The following IMPA1 variants were observed in gnomAD, a reference collection of about 807,000 sequenced individuals.
The protein encoded by IMPA1 is D-galactose 1-phosphate phosphatase.
Under a neutral mutation model 34.9 loss-of-function variants are expected in IMPA1, and 21 were observed. That is an observed-to-expected ratio of 0.60 (90% CI 0.43 to 0.87). The LOEUF (loss-of-function observed/expected upper bound fraction) is 0.87. Ranked by LOEUF, IMPA1 falls within the 40% of genes least tolerant of loss-of-function variation. IMPA1 has a pLI of 0.00. For missense variants in IMPA1, 299 were observed against 336.4 expected, an observed-to-expected ratio of 0.89 and a Z score of 0.87; for synonymous variants, 95 against 104.4, an observed-to-expected ratio of 0.91 and a Z score of 0.55.
At chr8:81,683,315 A>G (rs1387257818) in intron 1 of IMPA1, among the ~76,000 whole-genome samples, 1 of 152,190 alleles carries the variant, frequency 6.6e-6, no homozygotes, top group Non-Finnish European at 1.5e-5. Flanking sequence ...GAAGGGTAGA[A>G]AGTGGGTGTT....
intron 7 of IMPA1, among the ~76,000 whole-genome samples, chr8:81,665,115 G>C (rs1212514794): frequency 6.6e-6 from 1 of 151,846 alleles, no homozygotes; most frequent in Non-Finnish European, 1.5e-5. Context: ...GCAAAACATC[G>C]AACGCTGTTA....
chr8:81,679,058 ATAGAGTATC>A, intron 4 of IMPA1, 59 bp downstream of exon 4: 1 of 964,362 alleles, frequency 1.0e-6, no homozygotes, highest in Admixed American at 1.9e-5. Context: ...ATGTTCCTAA[ATAGAGTATC>A]TATAGGTCAA....
intron 1 of IMPA1, chr8:81,685,969 C>A: frequency 6.7e-7 from 1 of 1,489,936 alleles, no homozygotes; most frequent in Non-Finnish European, 9.0e-7. Context: ...AGGAGCTTTT[C>A]GGAGTTGGGG....
chr8:81,663,569 A>G (rs1354392607), intron 7 of IMPA1, among the ~76,000 whole-genome samples: 1 of 152,226 alleles, frequency 6.6e-6, no homozygotes, highest in Non-Finnish European at 1.5e-5. Context: ...AGGCTGGATT[A>G]TTAGATGATC....
rs1807125874 is a variant in IMPA1, at chr8:81,676,227, AT to A, written c.348+6del. On this transcript the variant is annotated splice_donor_region_variant and intron_variant, in intron 5 of 8. Coordinates refer to ENST00000256108, the MANE Select transcript of IMPA1 (RefSeq NM_005536.4). ...ATATAATCAACTATACGTTTAAAAAATCATACCTTTTTATTTACAGCAAAGC... is the reference window on the plus strand; with the variant it reads ...ATATAATCAACTATACGTTTAAAAAACATACCTTTTTATTTACAGCAAAGC... 9 of 1,308,088 alleles carry A rather than the reference AT, an allele frequency of 6.9e-6. No individual in the cohort carries two copies. The highest frequency in any genetic ancestry group is 8.4e-6 in the Non-Finnish European group (8 of 947,934). The allele number at this position is 1,308,088 out of a possible 1,614,324, so 81.0% of individuals were successfully genotyped here.
At chr8:81,680,202 T>C (rs1807256328) in intron 3 of IMPA1, among the ~76,000 whole-genome samples, 2 of 152,002 alleles carry the variant, frequency 1.3e-5, no homozygotes, top group Admixed American at 6.6e-5. Flanking sequence ...TAATATTCCT[T>C]CCTTGAGCGT....
chr8:81,685,253 ACATAAG>A (rs1159078861), intron 1 of IMPA1, among the ~76,000 whole-genome samples: 5 of 78,162 alleles, frequency 6.4e-5, no homozygotes, highest in African/African-American at 1.9e-4. Context: ...TATATACTAT[ACATAAG>A]TATAGATACT....
intron 1 of IMPA1, among the ~76,000 whole-genome samples, chr8:81,682,480 A>C (rs1380677965): frequency 2.0e-5 from 3 of 152,166 alleles, no homozygotes; most frequent in Non-Finnish European, 4.4e-5. Flanking sequence ...AGAGGACAGG[A>C]GTGGAAAGGA....
intron 8 of IMPA1, 132 bp from the exon 9 acceptor site, chr8:81,659,598 T>C (rs999004008): frequency 1.6e-6 from 1 of 614,894 alleles, no homozygotes; most frequent in Non-Finnish European, 2.9e-6. Context: ...AAATCTACTG[T>C]TACATTTCTA....
At chr8:81,682,478 G>A (rs1464265417) in intron 1 of IMPA1, among the ~76,000 whole-genome samples, 1 of 152,160 alleles carries the variant, frequency 6.6e-6, no homozygotes, top group East Asian at 1.9e-4. Context: ...AAAGAGGACA[G>A]GAGTGGAAAG....
chr8:81,672,714 T>C (rs1323115580), intron 6 of IMPA1, among the ~76,000 whole-genome samples: 3 of 152,182 alleles, frequency 2.0e-5, no homozygotes, highest in Non-Finnish European at 4.4e-5. Flanking sequence ...TGCCTGCACT[T>C]CCTTTTTTGA....
chr8:81,676,455 T>C (rs1024864144), intron 4 of IMPA1, among the ~76,000 whole-genome samples, 176 bp from the exon 5 acceptor site: 3 of 152,032 alleles, frequency 2.0e-5, no homozygotes, highest in Non-Finnish European at 2.9e-5. Context: ...CCTTTGTAAA[T>C]AGGATAAAGT....
chr8:81,684,612 A>ATCTTTAGATACTAATGTGTAG (rs1563592629), intron 1 of IMPA1, among the ~76,000 whole-genome samples: 2 of 53,248 alleles, frequency 3.8e-5, no homozygotes, highest in Non-Finnish European at 6.8e-5. Flanking sequence ...TATATCTAGT[A>ATCTTTAGATACTAATGTGTAG]TATATATACT....
intron 7 of IMPA1, among the ~76,000 whole-genome samples, chr8:81,661,931 T>G (rs1340286152): frequency 1.3e-5 from 2 of 152,232 alleles, no homozygotes; most frequent in Non-Finnish European, 2.9e-5. Context: ...TTCAATGAGA[T>G]CTTTCACAGT....
At chr8:81,660,061 G>A (rs1230421388) in intron 8 of IMPA1, among the ~76,000 whole-genome samples, 1 of 152,162 alleles carries the variant, frequency 6.6e-6, no homozygotes, top group Non-Finnish European at 1.5e-5. Context: ...CACACTGGAA[G>A]AATAAGAATT....
At chr8:81,684,494 C>T (rs1369887789) in intron 1 of IMPA1, among the ~76,000 whole-genome samples, 5 of 141,128 alleles carry the variant, frequency 3.5e-5, no homozygotes, top group Admixed American at 2.1e-4. Context: ...CTACAGTATA[C>T]TACACATAAG....
chr8:81,681,747 A>G (rs1020358108), intron 1 of IMPA1, among the ~76,000 whole-genome samples, 163 bp from the exon 2 acceptor site: 9 of 152,182 alleles, frequency 5.9e-5, no homozygotes, highest in Non-Finnish European at 1.3e-4. Flanking sequence ...TTTCTCACCT[A>G]AATTACCTAA....
rs62512321 is a variant in IMPA1 at position 81,684,354 on chromosome 8, C to A, written c.-25+1898G>T. ...TAGATACTATATATAGTATATATACCATACATAAGTATATTTAGATACTAT... is the reference window on the plus strand; with the variant it reads ...TAGATACTATATATAGTATATATACAATACATAAGTATATTTAGATACTAT... On this transcript the variant is annotated intron_variant, in intron 1 of 8. Coordinates refer to ENST00000256108, the MANE Select transcript of IMPA1 (RefSeq NM_005536.4). Among the ~76,000 whole-genome samples the A allele has an allele frequency of 4.3e-5, 6 of 140,168 alleles. No individual in the cohort carries two copies. The South Asian group carries it at 1.3e-3, about 31-fold the overall frequency. The allele number at this position is 140,168 out of a possible 152,430, so 92.0% of individuals were successfully genotyped here. A position where few individuals can be genotyped will look rare whatever the true frequency, so the allele number is the denominator to read the frequency against.
Position 81,673,895 on chromosome 8 carries a change from T to C in IMPA1, c.403A>G (p.Lys135Glu). 1 of 1,613,670 alleles carries C rather than the reference T, an allele frequency of 6.2e-7. No individual in the cohort carries two copies. The highest frequency in any genetic ancestry group is 8.5e-7 in the Non-Finnish European group (1 of 1,179,660). The part of the protein sequence containing the change: ...CVEGKMYTAR[K>E]GKGAFCNGQK... ...CCATTACAAAAGGCACCTTTTCCTTTTCTGGCAGTGTACATCTTGCCTTCC... is the reference window on the plus strand; with the variant it reads ...CCATTACAAAAGGCACCTTTTCCTTCTCTGGCAGTGTACATCTTGCCTTCC... The change falls in exon 6 of 9, where the codon AAA becomes GAA. Residue 135 changes from lysine (K) to glutamate (E), a missense_variant. Physicochemically the swap from Lys to Glu is moderately conservative, Grantham distance 56. Transcript: ENST00000256108.
Sources: gnomAD v4.1 joint callset for allele counts (sites outside exome capture counted in the v4.1 genomes callset) on GRCh38, gnomAD v4.1.1 for gene constraint, MANE v1.5 for transcripts, NCBI Gene and HGNC (gene_info 2026-07-23, HGNC 2026-07-21) for gene names.